The following NANOS3 variants were observed in gnomAD, a reference collection of about 807,000 sequenced individuals.
NANOS3 encodes nanos homolog 3.
A neutral mutation model predicts 13.8 loss-of-function variants in NANOS3; 11 were observed. The observed-to-expected ratio is 0.80, with a 90% CI of 0.50 to 1.32. NANOS3 has a LOEUF of 1.32. NANOS3 is among the 40% of genes most tolerant of loss of function. The pLI is 0.00. For missense variants in NANOS3, 221 were observed against 263.8 expected, an observed-to-expected ratio of 0.84 and a Z score of 1.12; for synonymous variants, 119 against 115.4, an observed-to-expected ratio of 1.03 and a Z score of -0.20.
At chr19:13,870,560 CTTTTT>C (rs34524831) in intron 1 of NANOS3, among the ~76,000 whole-genome samples, 18 of 71,636 alleles carry the variant, frequency 2.5e-4, no homozygotes, top group African/African-American at 9.7e-4. Context: ...GATAGCGTGG[CTTTTT>C]TTTTTTTTTT....
intron 1 of NANOS3, among the ~76,000 whole-genome samples, chr19:13,871,145 G>A (rs1409454794): frequency 6.6e-6 from 1 of 152,088 alleles, no homozygotes. Flanking sequence ...AGACAAGCAG[G>A]GCAGGGCTGC....
chr19:13,872,699 TG>T (rs1183283132), upstream of NANOS3, among the ~76,000 whole-genome samples: 2 of 152,226 alleles, frequency 1.3e-5, no homozygotes, highest in African/African-American at 4.8e-5. Flanking sequence ...CGGAAGGGCC[TG>T]GACACCTGGG....
At chr19:13,874,452 T>A (rs955610093), upstream of NANOS3, among the ~76,000 whole-genome samples, 1 of 152,180 alleles carries the variant, frequency 6.6e-6, no homozygotes, top group Non-Finnish European at 1.5e-5. Flanking sequence ...ACTTTGTGAA[T>A]TACTTAAGGA....
At chr19:13,865,935 C>T (rs1976231525) in intron 1 of NANOS3, among the ~76,000 whole-genome samples, 1 of 151,884 alleles carries the variant, frequency 6.6e-6, no homozygotes, top group African/African-American at 2.4e-5. Flanking sequence ...CCGGCGCGCG[C>T]GCGTTCGTGA....
chr19:13,872,720 G>T (rs942904385), upstream of NANOS3, among the ~76,000 whole-genome samples: 5 of 152,246 alleles, frequency 3.3e-5, no homozygotes, highest in African/African-American at 7.2e-5. Context: ...GGTGGAGGTG[G>T]CGGATAAAGA....
upstream of NANOS3, among the ~76,000 whole-genome samples, chr19:13,876,540 C>CT: frequency 6.6e-6 from 1 of 152,288 alleles, no homozygotes; most frequent in Middle Eastern, 3.4e-3. Flanking sequence ...GGGGGTTCCA[C>CT]TAAGACAACC....
chr19:13,872,643 C>G (rs1968416003), upstream of NANOS3, among the ~76,000 whole-genome samples: 1 of 152,238 alleles, frequency 6.6e-6, no homozygotes, highest in African/African-American at 2.4e-5. Context: ...AGGCGTTCTC[C>G]TCCTTAGAAT....
chr19:13,877,842 G>C, intron 1 of NANOS3, 77 bp downstream of exon 1: 1 of 1,478,652 alleles, frequency 6.8e-7, no homozygotes, highest in Non-Finnish European at 8.9e-7. Flanking sequence ...ATTAGCCCCA[G>C]TACCCACCTC....
chr19:13,864,780 T>TGTGTCTGTGTACCTTGCATGTGTC (rs1976206262), upstream of NANOS3, among the ~76,000 whole-genome samples: 2 of 152,026 alleles, frequency 1.3e-5, no homozygotes, highest in African/African-American at 2.4e-5. Context: ...CTGAATGTGG[T>TGTGTCTGTGTACCTTGCATGTGTC]GTGTCTGTGT....
At position 13,877,221 on chromosome 19, in the gene NANOS3, C is replaced by T. The variant is rs2145079864; in HGVS notation, c.-28C>T. The T allele has an allele frequency of 1.3e-6, 2 of 1,577,052 alleles. No individual in the cohort carries two copies. The highest frequency in any genetic ancestry group is 2.3e-5 in the East Asian group (1 of 44,386). On this transcript the variant is annotated 5_prime_UTR_variant, in exon 1 of 2. Coordinates refer to ENST00000339133, the MANE Select transcript of NANOS3 (RefSeq NM_001098622.3). ...GGCAGGGTTACTTGTCTCTGTGACTCCTTCCGCCTGGCACATGCTGCCCAG... is the reference window on the plus strand; with the variant it reads ...GGCAGGGTTACTTGTCTCTGTGACTTCTTCCGCCTGGCACATGCTGCCCAG...
chr19:13,877,784 G>A lies in NANOS3; in HGVS notation c.517+19G>A, dbSNP rs771859744. ...GGAGCAGGTGCCTGCACAGGTGGCT[G>A]GGGGGGACCTGTCCGAGGGTAGTGG... On this transcript the variant is annotated intron_variant, in intron 1 of 1. Transcript: ENST00000339133. 1.3e-6 allele frequency: 2 copies of A among 1,535,336 alleles called. No homozygotes were observed. The highest frequency in any genetic ancestry group is 1.2e-5 in the South Asian group (1 of 83,430).
upstream of NANOS3, among the ~76,000 whole-genome samples, chr19:13,862,529 CT>C (rs907786894): frequency 4.2e-4 from 63 of 149,718 alleles, no homozygotes; most frequent in South Asian, 8.4e-4. Flanking sequence ...CCAGCTCTGC[CT>C]TTTTTTTTTC....
At chr19:13,880,109 C>T (rs1267181582) in intron 1 of NANOS3, among the ~76,000 whole-genome samples, 1 of 152,212 alleles carries the variant, frequency 6.6e-6, no homozygotes, top group Non-Finnish European at 1.5e-5. Flanking sequence ...CTGGGAGACG[C>T]TGGAGGCCAA....
rs758859744 is a variant in NANOS3 at position 13,877,741 on chromosome 19, C to T, written c.493C>T (p.Arg165Cys). Residue 165 changes from arginine (R) to cysteine (C), a missense_variant, in exon 1 of 2, where the codon CGC (arginine) becomes TGC (cysteine). By Grantham distance (180) the Arg-to-Cys change is radical (BLOSUM62 -3). Transcript: ENST00000339133. The stretch of plus-strand genomic sequence containing the variant: ...GGCGAAGACACAGGACACAGGCCAC[C>T]GCCGAGGAGGAGGAGGAGGAGCAGG... ...DKAKTQDTGHRRGGGGGAGFR... is the reference protein window; with the variant it reads ...DKAKTQDTGHCRGGGGGAGFR... The T allele has an allele frequency of 9.5e-6, 15 of 1,581,384 alleles. No homozygotes were observed. The highest frequency in any genetic ancestry group is 8.2e-5 in the African/African-American group (6 of 73,138).
chr19:13,878,677 C>T (rs1312615569), intron 1 of NANOS3, among the ~76,000 whole-genome samples: 6 of 139,580 alleles, frequency 4.3e-5, no homozygotes, highest in African/African-American at 1.6e-4. Context: ...TTCAGTGGTG[C>T]GATCTTGGCT....
intron 1 of NANOS3, among the ~76,000 whole-genome samples, chr19:13,880,239 G>A (rs571931139): frequency 1.4e-4 from 22 of 152,198 alleles, no homozygotes; most frequent in African/African-American, 5.1e-4. Context: ...TCGCAGAATC[G>A]GAACTCCTGT....
upstream of NANOS3, among the ~76,000 whole-genome samples, chr19:13,872,749 C>G (rs997192786): frequency 1.3e-5 from 2 of 152,184 alleles, no homozygotes; most frequent in South Asian, 2.1e-4. Context: ...TCAGGCCCCC[C>G]CACTCCACAG....
At chr19:13,880,306 C>T (rs564981265) in intron 1 of NANOS3, 136 bp from the exon 2 acceptor site, 185 of 733,542 alleles carry the variant, frequency 2.5e-4, no homozygotes, top group African/African-American at 2.3e-3. Flanking sequence ...AGAGACGTCA[C>T]GGGGTCGCTG....
rs1349192815 is a variant in NANOS3 at position 13,877,735 on chromosome 19, G to A, written c.487G>A (p.Gly163Ser). The change falls in exon 1 of 2, where the codon GGC (glycine) becomes AGC (serine). Residue 163 changes from glycine to serine, a missense_variant. Around this residue, in one of 3 missense-constraint regions of NANOS3, gnomAD observed 60 missense variants for 56.5 expected, o/e 1.06. Coordinates refer to ENST00000339133, the MANE Select transcript of NANOS3 (RefSeq NM_001098622.3). The part of the protein sequence containing the change: ...RPDKAKTQDT[G>S]HRRGGGGGAG... Reference sequence around the variant, plus strand: ...TGACAAGGCGAAGACACAGGACACAGGCCACCGCCGAGGAGGAGGAGGAGG... The same window carrying A: ...TGACAAGGCGAAGACACAGGACACAAGCCACCGCCGAGGAGGAGGAGGAGG... 1.3e-6 allele frequency: 2 copies of A among 1,586,532 alleles called. No individual in the cohort carries two copies. Among genetic ancestry groups the A allele is most frequent in the African/African-American group, 1.4e-5 (1 of 73,914 alleles).
Sources: allele counts gnomAD v4.1 joint callset (sites outside exome capture counted in the v4.1 genomes callset), GRCh38; gene constraint gnomAD v4.1.1; regional missense constraint gnomAD v4.1.1; transcripts MANE v1.5; gene names NCBI Gene and HGNC (gene_info 2026-07-23, HGNC 2026-07-21).